Variants in SEPTIN14 observed in about 807,000 individuals in gnomAD.
SEPTIN14 encodes the protein septin-14.
Under a neutral mutation model 53.6 loss-of-function variants are expected in SEPTIN14, and 40 were observed. The ratio of observed to expected loss-of-function variants is 0.75; its 90% CI spans 0.58 to 0.97. The LOEUF (loss-of-function observed/expected upper bound fraction) is 0.97. SEPTIN14 is among the 50% of genes least tolerant of loss of function. SEPTIN14 has a pLI of 0.00. For synonymous variants in SEPTIN14, 138 were observed against 166.8 expected (o/e 0.83, Z 1.33); for missense variants, 471 against 508.2 (o/e 0.93, Z 0.70).
In SEPTIN14 at chr7:55,844,547, C is replaced by T. The variant is rs766115986; in HGVS notation, c.347G>A (p.Gly116Asp). The T allele has an allele frequency of 6.4e-7, 1 of 1,567,282 alleles. No homozygotes were observed. Among genetic ancestry groups the T allele is most frequent in the South Asian group, 1.2e-5 (1 of 82,690 alleles). The change falls in exon 4 of 10, where the codon GGT (glycine) becomes GAT (aspartate). Residue 116 changes from glycine to aspartate, a missense_variant. By Grantham distance (94) the Gly-to-Asp change is moderately conservative. Transcript: ENST00000388975. ...KLTVVETVGYGDQIDKEASYQ... is the reference protein window; with the variant it reads ...KLTVVETVGYDDQIDKEASYQ... ...CCTGGCTTCTTTGTCTATTTGATCA[C>T]CATACCCTACTGTCTCCACAACAGT...
At chr7:55,811,150 C>G in intron 7 of SEPTIN14, 1 of 488,690 alleles carries the variant, frequency 2.0e-6, no homozygotes, top group Non-Finnish European at 4.1e-6. Context: ...GTTGCTGCCT[C>G]TTCCAAGCCC....
In SEPTIN14 at chr7:55,807,115, C is replaced by T; in HGVS notation, c.961G>A (p.Val321Met). Residue 321 changes from valine to methionine, a missense_variant, in exon 8 of 10, where the codon GTG becomes ATG. Physicochemically the swap from Val to Met is conservative, Grantham distance 21. Transcript: ENST00000388975. The stretch of plus-strand genomic sequence containing the variant: ...CTAACTGGCTGGTTGTTTGGACCCA[C>T]ATCTGTAAAGCCCATTTTCTGCAGT... ...QKLQKMGFTD[V>M]GPNNQPVSFQ... 6.2e-7 allele frequency: 1 copy of T among 1,600,390 alleles called. No homozygotes were observed. Among genetic ancestry groups the T allele is most frequent in the Non-Finnish European group, 8.5e-7 (1 of 1,176,200 alleles).
At chr7:55,798,511 CA>C in intron 9 of SEPTIN14, 1 of 310,626 alleles carries the variant, frequency 3.2e-6, no homozygotes, top group Non-Finnish European at 6.2e-6. Flanking sequence ...CTCTACCACC[CA>C]AATGATGTCA....
intron 5 of SEPTIN14, among the ~76,000 whole-genome samples, 200 bp downstream of exon 5, chr7:55,842,742 C>T (rs1175016675): frequency 6.6e-6 from 1 of 152,022 alleles, no homozygotes; most frequent in African/African-American, 2.4e-5. Flanking sequence ...GAAACCCCAT[C>T]TCTACTAAAA....
At chr7:55,814,276 C>T (rs1788756242) in intron 7 of SEPTIN14, among the ~76,000 whole-genome samples, 1 of 152,152 alleles carries the variant, frequency 6.6e-6, no homozygotes. Context: ...AAATATCTAA[C>T]TCTTCAATGC....
intron 7 of SEPTIN14, among the ~76,000 whole-genome samples, chr7:55,813,278 A>G (rs1467875170): frequency 1.3e-5 from 2 of 152,106 alleles, no homozygotes; most frequent in African/African-American, 2.4e-5. Context: ...AGCTCCCACT[A>G]AAGAGGAATA....
intron 6 of SEPTIN14, among the ~76,000 whole-genome samples, chr7:55,827,189 T>C (rs1789003748): frequency 6.6e-6 from 1 of 152,248 alleles, no homozygotes; most frequent in South Asian, 2.1e-4. Context: ...AAGGCTGTGC[T>C]GACCCAGCTA....
intron 2 of SEPTIN14, among the ~76,000 whole-genome samples, chr7:55,856,167 TA>T (rs1789620654): frequency 6.6e-6 from 1 of 151,990 alleles, no homozygotes. Flanking sequence ...CACCCTCTAG[TA>T]GTCCTCAGTG....
At chr7:55,829,475 C>T (rs1458097453) in intron 6 of SEPTIN14, among the ~76,000 whole-genome samples, 1 of 151,768 alleles carries the variant, frequency 6.6e-6, no homozygotes, top group Non-Finnish European at 1.5e-5. Context: ...AGCACAAGCA[C>T]AATCAGAAGT....
At chr7:55,834,665 C>G in intron 5 of SEPTIN14, 79 bp from the exon 6 acceptor site, 4 of 1,217,980 alleles carry the variant, frequency 3.3e-6, no homozygotes, top group Non-Finnish European at 4.6e-6. Flanking sequence ...TGTTTTGAGA[C>G]GGAGTCTCGC....
chr7:55,821,137 A>G (rs558202847), intron 6 of SEPTIN14, among the ~76,000 whole-genome samples: 1 of 152,228 alleles, frequency 6.6e-6, no homozygotes, highest in African/African-American at 2.4e-5. Flanking sequence ...TGGCAAGTCT[A>G]TTTGAGAGTT....
chr7:55,839,259 G>A (rs1042001209), intron 5 of SEPTIN14, among the ~76,000 whole-genome samples: 1 of 151,682 alleles, frequency 6.6e-6, no homozygotes, highest in African/African-American at 2.4e-5. Context: ...CGTGGTAGCG[G>A]GCACCTGTGA....
chr7:55,828,299 C>T (rs1316068006), intron 6 of SEPTIN14, among the ~76,000 whole-genome samples: 10 of 129,868 alleles, frequency 7.7e-5, no homozygotes, highest in Admixed American at 6.4e-4. Flanking sequence ...CAGATGAAAG[C>T]TTTTTTTTTT....
chr7:55,803,716 G>GA, intron 9 of SEPTIN14, among the ~76,000 whole-genome samples: 2 of 152,200 alleles, frequency 1.3e-5, no homozygotes, highest in South Asian at 4.1e-4. Flanking sequence ...CAGAGAGAAA[G>GA]AAAAAAGAAG....
chr7:55,853,266 T>A (rs1023939054), intron 2 of SEPTIN14, among the ~76,000 whole-genome samples: 2 of 152,208 alleles, frequency 1.3e-5, no homozygotes, highest in African/African-American at 4.8e-5. Context: ...AGGCAAGATT[T>A]GGAAGCAACC....
At chr7:55,797,165 GAC>G (rs1276361022) in intron 9 of SEPTIN14, among the ~76,000 whole-genome samples, 1 of 152,010 alleles carries the variant, frequency 6.6e-6, no homozygotes, top group African/African-American at 2.4e-5. Context: ...AAGCCAATGA[GAC>G]ACCATTAGGC....
At position 55,846,609 on chromosome 7, in the gene SEPTIN14, G is replaced by T; in HGVS notation, c.83C>A (p.Thr28Asn). The change falls in exon 3 of 10, where the codon ACT (threonine) becomes AAT (asparagine). Residue 28 changes from threonine to asparagine, a missense_variant. By Grantham distance (65) the Thr-to-Asn change is moderately conservative. Transcript: ENST00000388975. Reference sequence around the variant, plus strand: ...TTCAAAACCAAAATGTCCAATCGTAGTTAAACAACGAATATTATTTTCTTT... The same window carrying T: ...TTCAAAACCAAAATGTCCAATCGTATTTAAACAACGAATATTATTTTCTTT... ...TQKENNIRCL[T>N]TIGHFGFECL... 6.7e-7 allele frequency: 1 copy of T among 1,484,760 alleles called. No individual in the cohort carries two copies. Among genetic ancestry groups the T allele is most frequent in the Non-Finnish European group, 9.4e-7 (1 of 1,068,680 alleles). The allele number at this position is 1,484,760 out of a possible 1,614,324, so 92.0% of individuals were successfully genotyped here. A position where few individuals can be genotyped will look rare whatever the true frequency, so the allele number is the denominator to read the frequency against.
chr7:55,823,955 A>G (rs1423649343), intron 6 of SEPTIN14, among the ~76,000 whole-genome samples: 3 of 150,860 alleles, frequency 2.0e-5, no homozygotes, highest in Non-Finnish European at 4.4e-5. Context: ...CAGTGGTGCA[A>G]TCCTGGCTCA....
Position 55,794,353 on chromosome 7 carries a change from C to T in SEPTIN14, c.*1560G>A, listed in dbSNP as rs1788390432. On this transcript the variant is annotated 3_prime_UTR_variant, in exon 10 of 10. Coordinates refer to ENST00000388975, the MANE Select transcript of SEPTIN14 (RefSeq NM_207366.3). ...CAGCAATATAACTCACAAACATGTT[C>T]AGAAGCAGTAAGAAGTTACATTAAT... 1 of 152,140 alleles carries T rather than the reference C, an allele frequency of 6.6e-6. No homozygotes were observed. The highest frequency in any genetic ancestry group is 2.4e-5 in the African/African-American group (1 of 41,434). The allele number at this position is 152,140 out of a possible 1,614,324, so 9.4% of individuals were successfully genotyped here.
Sources: gnomAD v4.1 joint callset for allele counts (sites outside exome capture counted in the v4.1 genomes callset) on GRCh38, gnomAD v4.1.1 for gene constraint, MANE v1.5 for transcripts, NCBI Gene and HGNC (gene_info 2026-07-23, HGNC 2026-07-21) for gene names.